Variants in LIFR observed in about 807,000 individuals in gnomAD.
LIFR encodes the protein leukemia inhibitory factor receptor.
A neutral mutation model predicts 122.2 loss-of-function variants in LIFR; 84 were observed. The observed-to-expected ratio is 0.69, with a 90% confidence interval of 0.58 to 0.82. LIFR has a LOEUF of 0.82. LIFR is among the 40% of genes least tolerant of loss of function. The pLI is 0.00. For missense variants in LIFR, 1,294 were observed against 1,311.6 expected (o/e 0.99, Z 0.21); for synonymous variants, 422 against 434.7 (o/e 0.97, Z 0.36).
At chr5:38,488,754 C>T (rs1744419017) in intron 16 of LIFR, among the ~76,000 whole-genome samples, 1 of 152,110 alleles carries the variant, frequency 6.6e-6, no homozygotes, top group African/African-American at 2.4e-5. Context: ...TAAAAGATTT[C>T]TTTTTGGAAG....
In LIFR at chr5:38,481,815, G is replaced by C. The variant is rs1744004905; in HGVS notation, c.3074C>G (p.Thr1025Ser). 12 of 1,614,154 alleles carry C rather than the reference G, an allele frequency of 7.4e-6. No individual in the cohort carries two copies. The highest frequency in any genetic ancestry group is 1.0e-5 in the Non-Finnish European group (12 of 1,180,024). Residue 1025 changes from threonine to serine, a missense_variant, in exon 20 of 20, where the codon ACT becomes AGT. Transcript: ENST00000453190. ...ATTGGCCTGAGGTCTGTAACCCGCA[G>C]TTTTATCTAAGTCCTCTTCTGCAGC... ...DIAAEEDLDK[T>S]AGYRPQANVN... is the part of the protein sequence containing the mutation.
At chr5:38,522,405 T>C (rs1746451207) in intron 5 of LIFR, among the ~76,000 whole-genome samples, 1 of 152,230 alleles carries the variant, frequency 6.6e-6, no homozygotes, top group African/African-American at 2.4e-5. Flanking sequence ...AGTGTGAAGA[T>C]CTACTATTCC....
chr5:38,534,402 G>C (rs1747183648), intron 1 of LIFR, among the ~76,000 whole-genome samples: 1 of 152,156 alleles, frequency 6.6e-6, no homozygotes, highest in Admixed American at 6.5e-5. Context: ...AGTTCTATCT[G>C]GGAAGACTAG....
chr5:38,561,260 A>ATTT (rs891318417), upstream of LIFR, among the ~76,000 whole-genome samples: 2 of 152,010 alleles, frequency 1.3e-5, no homozygotes, highest in African/African-American at 4.8e-5. Flanking sequence ...TACAGAGCTA[A>ATTT]TTTTTTTTCT....
intron 4 of LIFR, among the ~76,000 whole-genome samples, chr5:38,525,227 T>C (rs1015085751): frequency 1.3e-5 from 2 of 152,192 alleles, no homozygotes; most frequent in Admixed American, 6.5e-5. Flanking sequence ...TTCTATGAAA[T>C]GTAGACTTTC....
chr5:38,550,288 A>C, intron 1 of LIFR: 1 of 932,134 alleles, frequency 1.1e-6, no homozygotes, highest in Non-Finnish European at 1.3e-6. Flanking sequence ...GCTATTGATA[A>C]AGCACAACTG....
chr5:38,489,865 T>C (rs541956976), intron 15 of LIFR, among the ~76,000 whole-genome samples: 39 of 149,536 alleles, frequency 2.6e-4, no homozygotes, highest in African/African-American at 8.9e-4. Context: ...CATGGTGGCA[T>C]GCACCTGTAG....
At chr5:38,596,580 G>A (rs1365402497), upstream of LIFR, among the ~76,000 whole-genome samples, 2 of 152,106 alleles carry the variant, frequency 1.3e-5, no homozygotes, top group Non-Finnish European at 2.9e-5. Flanking sequence ...TGTAAATAGA[G>A]CTCTTTACCT....
upstream of LIFR, among the ~76,000 whole-genome samples, chr5:38,560,917 G>A (rs1288523287): frequency 4.6e-5 from 7 of 152,016 alleles, no homozygotes; most frequent in East Asian, 3.9e-4. Context: ...TATTTATACC[G>A]TGCCTTCTTC....
intron 1 of LIFR, among the ~76,000 whole-genome samples, chr5:38,589,250 T>G (rs1749848430): frequency 6.6e-6 from 1 of 152,074 alleles, no homozygotes; most frequent in African/African-American, 2.4e-5. Context: ...TGATCTCATT[T>G]TAAAAATCAT....
At chr5:38,585,577 G>A (rs1749720833) in intron 1 of LIFR, among the ~76,000 whole-genome samples, 1 of 152,180 alleles carries the variant, frequency 6.6e-6, no homozygotes, top group Non-Finnish European at 1.5e-5. Context: ...AAAATGGAAT[G>A]GGATTTTCAG....
chr5:38,498,711 C>A (rs1006450025), intron 12 of LIFR, among the ~76,000 whole-genome samples: 1 of 152,100 alleles, frequency 6.6e-6, no homozygotes, highest in African/African-American at 2.4e-5. Flanking sequence ...ATTGTATAAT[C>A]GTTGCTATAT....
At chr5:38,595,051 TTGAC>T (rs1171177007) in intron 1 of LIFR, 30 of 180,116 alleles carry the variant, frequency 1.7e-4, no homozygotes, top group African/African-American at 6.4e-4. Context: ...ATGCCAAGGA[TTGAC>T]TGGAGAAAGT....
chr5:38,552,099 T>G (rs1748236327), intron 1 of LIFR, among the ~76,000 whole-genome samples: 1 of 152,192 alleles, frequency 6.6e-6, no homozygotes, highest in South Asian at 2.1e-4. Flanking sequence ...GAACCCTCCT[T>G]TACATATAAT....
chr5:38,527,035 T>C (rs909881415), intron 4 of LIFR, 120 bp downstream of exon 4: 2 of 869,960 alleles, frequency 2.3e-6, no homozygotes, highest in Non-Finnish European at 3.5e-6. Context: ...CATAGGGAGG[T>C]TGCTGAGTGA....
At chr5:38,531,674 C>CA (rs1010011570) in intron 1 of LIFR, among the ~76,000 whole-genome samples, 10 of 149,298 alleles carry the variant, frequency 6.7e-5, no homozygotes, top group Middle Eastern at 3.4e-3. Flanking sequence ...GAACAAAATA[C>CA]AAAAAAAAAT....
rs148827994 is a variant in LIFR, at chr5:38,478,265, G to T, written c.*3330C>A. The stretch of plus-strand genomic sequence containing the variant: ...TGACTTTTTACCACAGTTTCTGAGA[G>T]TGTAATAGTACTAAATGTTCTAAAT... On this transcript the variant is annotated 3_prime_UTR_variant, in exon 20 of 20. Transcript: ENST00000453190. The T allele has an allele frequency of 5.4e-3, 1,112 of 207,162 alleles. 16 individuals are homozygous for T. The highest frequency in any genetic ancestry group is 0.024 in the African/African-American group (1,066 of 43,980). The allele number at this position is 207,162 out of a possible 1,614,324, so 12.8% of individuals were successfully genotyped here. A position where few individuals can be genotyped will look rare whatever the true frequency, so the allele number is the denominator to read the frequency against.
intron 1 of LIFR, among the ~76,000 whole-genome samples, chr5:38,571,987 T>C (rs533839746): frequency 1.0e-3 from 152 of 152,348 alleles, no homozygotes; most frequent in African/African-American, 3.3e-3. Flanking sequence ...TATTGCTTTT[T>C]TCTAATAAAT....
chr5:38,531,161 A>T (rs1746987940), intron 1 of LIFR, among the ~76,000 whole-genome samples: 1 of 152,264 alleles, frequency 6.6e-6, no homozygotes, highest in Admixed American at 6.5e-5. Context: ...TTAATAATTT[A>T]AAAAGAAAAA....
Sources: gnomAD v4.1 joint callset for allele counts (sites outside exome capture counted in the v4.1 genomes callset) on GRCh38, gnomAD v4.1.1 for gene constraint, MANE v1.5 for transcripts, NCBI Gene and HGNC (gene_info 2026-07-23, HGNC 2026-07-21) for gene names.